Variants in SLC9A6 observed in about 807,000 individuals in gnomAD.
SLC9A6 encodes solute carrier family 9 member A6, also known as sodium/hydrogen exchanger 6.
In SLC9A6, 6 loss-of-function variants were observed where a neutral mutation model predicts 45.3. That is an observed-to-expected ratio of 0.13 (90% CI 0.07 to 0.26). The LOEUF is 0.26. Among genes scored for constraint, SLC9A6 ranks in the 10% least tolerant of loss-of-function variants. The probability of loss-of-function intolerance (pLI) is 1.00; values close to 1 mark genes in which losing one functional copy is unlikely to be tolerated. For missense variants in SLC9A6, 278 were observed against 503.7 expected (o/e 0.55, Z 4.29); for synonymous variants, 191 against 187.7 (o/e 1.02, Z -0.14).
At chrX:135,985,224 T>C (rs1006101405), upstream of SLC9A6, 6 of 253,816 alleles carry the variant, frequency 2.4e-5, no homozygotes, top group African/African-American at 1.7e-4. Context: ...CTGCCTCTGC[T>C]TGGTTACACT....
At chrX:135,990,198 G>A (rs1298144478) in intron 2 of SLC9A6, among the ~76,000 whole-genome samples, 1 of 111,325 alleles carries the variant, frequency 9.0e-6, no homozygotes, top group Non-Finnish European at 1.9e-5. Context: ...GTGTTAGCCA[G>A]GATGGTCTCG....
At chrX:135,996,845 C>T (rs1404691058) in intron 3 of SLC9A6, among the ~76,000 whole-genome samples, 1 of 109,001 alleles carries the variant, frequency 9.2e-6, no homozygotes, top group Admixed American at 9.7e-5. Context: ...CGGCTCATTG[C>T]AAGCTCTGCC....
chrX:135,991,092 T>C (rs1404840333), intron 2 of SLC9A6, among the ~76,000 whole-genome samples: 1 of 111,860 alleles, frequency 8.9e-6, no homozygotes, highest in Non-Finnish European at 1.9e-5. Flanking sequence ...TTAAAAGGTG[T>C]CTTTCATTTA....
intron 2 of SLC9A6, among the ~76,000 whole-genome samples, chrX:135,994,397 G>A (rs782817720): frequency 9.0e-6 from 1 of 111,419 alleles, no homozygotes; most frequent in Non-Finnish European, 1.9e-5. Context: ...ATGAGCCACC[G>A]CGCCTGGCCA....
chrX:135,975,851 C>T (rs1478861835), intron 1 of SLC9A6, among the ~76,000 whole-genome samples: 1 of 110,610 alleles, frequency 9.0e-6, no homozygotes, highest in Non-Finnish European at 1.9e-5. Flanking sequence ...GTAGCACATG[C>T]TTGTAGTCCT....
chrX:136,044,786 A>G lies in SLC9A6; in HGVS notation c.*62A>G. 1.9e-6 allele frequency: 2 copies of G among 1,064,303 alleles called. No individual in the cohort carries two copies. Among genetic ancestry groups the G allele is most frequent in the Non-Finnish European group, 2.6e-6 (2 of 761,699 alleles). 87.7% of individuals were successfully genotyped at this position (1,064,303 alleles called of 1,213,427 possible). A position where few individuals can be genotyped will look rare whatever the true frequency, so the allele number is the denominator to read the frequency against. On this transcript the variant is annotated 3_prime_UTR_variant, in exon 18 of 18. Coordinates refer to ENST00000630721, the MANE Select transcript of SLC9A6 (RefSeq NM_001379110.1). ...CACATGTGATTGTGAAGAAATTTGT[A>G]CTACCTAAAAGTCCCAGTGCATGTC...
intron 2 of SLC9A6, 116 bp from the exon 3 acceptor site, chrX:135,994,670 A>C: frequency 3.1e-6 from 2 of 646,232 alleles, no homozygotes; most frequent in Admixed American, 4.7e-5. Context: ...TCTAAAAATC[A>C]GTTCTGAGCT....
intron 1 of SLC9A6, among the ~76,000 whole-genome samples, chrX:135,975,888 G>A (rs2089258790): frequency 9.5e-6 from 1 of 105,067 alleles, no homozygotes; most frequent in Non-Finnish European, 1.9e-5. Flanking sequence ...AAAGAAGGAG[G>A]ATTGCTTGAT....
At chrX:136,022,284 G>A (rs781892324) in intron 11 of SLC9A6, among the ~76,000 whole-genome samples, 1 of 112,179 alleles carries the variant, frequency 8.9e-6, no homozygotes, top group South Asian at 3.7e-4. Context: ...TGCTCTGTCT[G>A]ATTTGGTAGC....
At chrX:135,989,524 G>C (rs1326564520) in intron 2 of SLC9A6, among the ~76,000 whole-genome samples, 2 of 112,311 alleles carry the variant, frequency 1.8e-5, no homozygotes, top group African/African-American at 6.5e-5. Context: ...GATATGATGA[G>C]AAATACATGT....
chrX:136,005,551 C>G (rs1240715284), intron 7 of SLC9A6, among the ~76,000 whole-genome samples: 5 of 111,639 alleles, frequency 4.5e-5, no homozygotes, highest in Non-Finnish European at 9.4e-5. Context: ...CGTGGTGGCA[C>G]ACGCCTGTAA....
intron 17 of SLC9A6, among the ~76,000 whole-genome samples, chrX:136,040,856 T>C (rs1556622488): frequency 8.9e-6 from 1 of 112,703 alleles, no homozygotes; most frequent in Non-Finnish European, 1.9e-5. Context: ...GCGTGGTGGC[T>C]CATGCCTGTA....
intron 7 of SLC9A6, among the ~76,000 whole-genome samples, chrX:136,005,050 C>T (rs1166439059): frequency 8.9e-6 from 1 of 112,055 alleles, no homozygotes; most frequent in African/African-American, 3.2e-5. Context: ...ACTGTTCAGT[C>T]ATCTTACTAG....
At chrX:136,040,001 T>C in intron 16 of SLC9A6, 75 bp from the exon 17 acceptor site, 1 of 797,888 alleles carries the variant, frequency 1.3e-6, no homozygotes, top group Non-Finnish European at 1.9e-6. Context: ...TATACTATGA[T>C]GGTGATTATT....
At chrX:136,025,121 C>T (rs2071204010) in intron 13 of SLC9A6, among the ~76,000 whole-genome samples, 1 of 112,356 alleles carries the variant, frequency 8.9e-6, no homozygotes, top group Admixed American at 9.5e-5. Context: ...GCGGTTTACT[C>T]CAACCCTAAT....
At chrX:135,997,605 A>G (rs1336946994) in intron 3 of SLC9A6, among the ~76,000 whole-genome samples, 2 of 105,293 alleles carry the variant, frequency 1.9e-5, no homozygotes, top group Non-Finnish European at 3.9e-5. Context: ...TTGGGGCTTC[A>G]CCATGTTGGC....
At chrX:136,029,976 G>T (rs1222569415) in intron 14 of SLC9A6, 156 bp from the exon 15 acceptor site, 2 of 519,955 alleles carry the variant, frequency 3.8e-6, no homozygotes, top group Non-Finnish European at 6.6e-6. Flanking sequence ...AGTGGCAGGA[G>T]CCAAAAATCT....
Position 136,012,089 on chromosome X carries a change from C to CA in SLC9A6, c.886-853dup, listed in dbSNP as rs782640620. 4.4e-3 allele frequency among the ~76,000 whole-genome samples: 491 copies of CA among 111,825 alleles called. 3 individuals are homozygous for CA. Among genetic ancestry groups the CA allele is most frequent in the African/African-American group, 0.014 (423 of 30,782 alleles). On this transcript the variant is annotated intron_variant, in intron 8 of 17. Coordinates refer to ENST00000630721, the MANE Select transcript of SLC9A6 (RefSeq NM_001379110.1). Reference sequence around the variant, plus strand: ...TGGGCGACAGTGCGAGACTCCGTCTCAAAAAAACAAAACAAAACAAAAAAG... The same window carrying CA: ...TGGGCGACAGTGCGAGACTCCGTCTCAAAAAAAACAAAACAAAACAAAAAAG...
intron 16 of SLC9A6, among the ~76,000 whole-genome samples, chrX:136,034,305 T>C (rs1316905928): frequency 9.1e-6 from 1 of 110,367 alleles, no homozygotes; most frequent in Non-Finnish European, 1.9e-5. Context: ...GGTTACATAC[T>C]CCTTATGAGA....
Sources: gnomAD v4.1 joint callset for allele counts (sites outside exome capture counted in the v4.1 genomes callset) on GRCh38, gnomAD v4.1.1 for gene constraint, MANE v1.5 for transcripts, NCBI Gene and HGNC (gene_info 2026-07-23, HGNC 2026-07-21) for gene names.